The following PTPRN2 variants were observed in gnomAD, a reference collection of about 807,000 sequenced individuals.
PTPRN2 encodes protein tyrosine phosphatase receptor type N2.
A neutral mutation model predicts 118.8 loss-of-function variants in PTPRN2; 74 were observed. The ratio of observed to expected loss-of-function variants is 0.62; its 90% CI spans 0.52 to 0.76. The LOEUF (loss-of-function observed/expected upper bound fraction) is 0.76, where lower values mean the gene tolerates loss of function less well. PTPRN2 is among the 30% of genes least tolerant of loss of function. The pLI is 0.00. For missense variants in PTPRN2, 1,481 were observed against 1,394.4 expected (o/e 1.06, Z -0.99); for synonymous variants, 641 against 608.0 (o/e 1.05, Z -0.80).
At chr7:158,450,363 A>G (rs972063180) in intron 2 of PTPRN2, among the ~76,000 whole-genome samples, 1 of 152,274 alleles carries the variant, frequency 6.6e-6, no homozygotes, top group African/African-American at 2.4e-5. Flanking sequence ...ACACAAGGAC[A>G]CATACACACA....
At chr7:158,491,781 C>A (rs781348794) in intron 1 of PTPRN2, among the ~76,000 whole-genome samples, 23 of 152,200 alleles carry the variant, frequency 1.5e-4, no homozygotes, top group Non-Finnish European at 2.9e-4. Context: ...TGAGCCACCG[C>A]GCCTGGCCAG....
chr7:157,549,275 G>A (rs1366005139), intron 21 of PTPRN2, among the ~76,000 whole-genome samples: 3 of 151,420 alleles, frequency 2.0e-5, no homozygotes, highest in East Asian at 1.9e-4. Context: ...ACAGCAGGCC[G>A]TCACCGTCAG....
chr7:158,412,913 A>G (rs1203302325), intron 2 of PTPRN2, among the ~76,000 whole-genome samples: 1 of 137,498 alleles, frequency 7.3e-6, no homozygotes, highest in Non-Finnish European at 1.5e-5. Flanking sequence ...TGCCCTCCTC[A>G]ACACCAGGGC....
Position 157,675,185 on chromosome 7 carries a change from G to A in PTPRN2, c.2001+7540C>T, listed in dbSNP as rs532891364. Among the ~76,000 whole-genome samples, 84 of 152,224 alleles carry A rather than the reference G, an allele frequency of 5.5e-4. No individual in the cohort carries two copies. In the South Asian group the frequency reaches 0.011, roughly 20 times the overall value. ...CCCAACACCCACTTTATTTCACAGCGGCTCGCGTCCTTCGGAGAGCCTGCC... is the reference window on the plus strand; with the variant it reads ...CCCAACACCCACTTTATTTCACAGCAGCTCGCGTCCTTCGGAGAGCCTGCC... On this transcript the variant is annotated intron_variant, in intron 13 of 22. Transcript: ENST00000389418.
intron 2 of PTPRN2, among the ~76,000 whole-genome samples, chr7:158,331,955 T>A (rs4909180): frequency 2.1e-5 from 3 of 142,348 alleles, no homozygotes; most frequent in Non-Finnish European, 4.5e-5. Flanking sequence ...ACTCCCACGA[T>A]AAGAGCTGAC....
At position 158,155,620 on chromosome 7, in the gene PTPRN2, TATCATCACC is replaced by T. The variant is rs1821711789; in HGVS notation, c.910+11302_910+11310del. On this transcript the variant is annotated intron_variant, in intron 6 of 22. Coordinates refer to ENST00000389418, the MANE Select transcript of PTPRN2 (RefSeq NM_002847.5). Reference sequence around the variant, plus strand: ...TCATCATCACCATCACCATCAACACTATCATCACCATCATCACCACCGTCATCATTGCCA... The same window carrying T: ...TCATCATCACCATCACCATCAACACTATCATCACCACCGTCATCATTGCCA... Among the ~76,000 whole-genome samples the T allele has an allele frequency of 7.5e-5, 2 of 26,794 alleles. 1 individual carries two copies. The highest frequency in any genetic ancestry group is 7.2e-4 in the Admixed American group (2 of 2,794). The allele number at this position is 26,794 out of a possible 152,430, so 17.6% of individuals were successfully genotyped here. A position where few individuals can be genotyped will look rare whatever the true frequency, so the allele number is the denominator to read the frequency against.
chr7:157,782,434 G>A (rs1803737112), intron 12 of PTPRN2, among the ~76,000 whole-genome samples: 1 of 152,206 alleles, frequency 6.6e-6, no homozygotes, highest in Admixed American at 6.5e-5. Context: ...AGCTCTAAGG[G>A]TAGGAGCTGC....
intron 2 of PTPRN2, among the ~76,000 whole-genome samples, chr7:158,378,793 A>G (rs1810741059): frequency 6.6e-6 from 1 of 152,202 alleles, no homozygotes; most frequent in Non-Finnish European, 1.5e-5. Flanking sequence ...GAAGATAATG[A>G]TAATTCCTTC....
intron 15 of PTPRN2, among the ~76,000 whole-genome samples, chr7:157,604,995 A>C (rs1801916287): frequency 6.6e-6 from 1 of 152,196 alleles, no homozygotes; most frequent in Non-Finnish European, 1.5e-5. Context: ...TTCTCTCTGC[A>C]AGGTGCGCTT....
At chr7:157,928,775 G>A (rs903493575) in intron 11 of PTPRN2, among the ~76,000 whole-genome samples, 8 of 149,950 alleles carry the variant, frequency 5.3e-5, no homozygotes, top group Admixed American at 1.3e-4. Context: ...GAGAGAGAGC[G>A]GGGCAGATGG....
At chr7:158,040,297 AC>A (rs1808356709) in intron 11 of PTPRN2, among the ~76,000 whole-genome samples, 1 of 152,186 alleles carries the variant, frequency 6.6e-6, no homozygotes, top group South Asian at 2.1e-4. Flanking sequence ...AATACAACAC[AC>A]ACAAATTCAC....
chr7:158,158,613 T>G (rs183444325), intron 6 of PTPRN2, among the ~76,000 whole-genome samples: 1,343 of 46,050 alleles, frequency 0.029, 122 homozygotes, highest in African/African-American at 0.092. Flanking sequence ...ATGAGTGAAC[T>G]CGGGAGAATC....
At chr7:157,895,333 AGCCAGAGGG>A in intron 12 of PTPRN2, among the ~76,000 whole-genome samples, 1 of 151,346 alleles carries the variant, frequency 6.6e-6, no homozygotes, top group Non-Finnish European at 1.5e-5. Context: ...CCATAAAATA[AGCCAGAGGG>A]TCTGAACGAG....
intron 3 of PTPRN2, among the ~76,000 whole-genome samples, chr7:158,292,848 A>G (rs528315387): frequency 2.8e-4 from 43 of 152,188 alleles, no homozygotes; most frequent in South Asian, 1.0e-3. Flanking sequence ...TGGGTGGATC[A>G]GTTGAGGTCA....
chr7:157,585,116 C>G lies in PTPRN2; in HGVS notation c.2497-6976G>C, dbSNP rs1188311152. Among the ~76,000 whole-genome samples, 1 of 152,162 alleles carries G rather than the reference C, an allele frequency of 6.6e-6. No individual in the cohort carries two copies. The highest frequency in any genetic ancestry group is 1.5e-5 in the Non-Finnish European group (1 of 68,030). On this transcript the variant is annotated intron_variant, in intron 17 of 22. Coordinates refer to ENST00000389418, the MANE Select transcript of PTPRN2 (RefSeq NM_002847.5). This position sits in a 1 kb window ranked among gnomAD's most constrained non-coding sequence, Gnocchi z 5.2. ...ACACGATGAGGTGACGTAGCCCACA[C>G]ACACGTCAGCAGTGCTGATGGAAAG...
intron 2 of PTPRN2, among the ~76,000 whole-genome samples, chr7:158,466,457 A>G (rs1819394864): frequency 6.6e-6 from 1 of 152,028 alleles, no homozygotes; most frequent in Non-Finnish European, 1.5e-5. Context: ...ACTTCACACT[A>G]TTTACAACAT....
rs1258643692 is a variant in PTPRN2 at position 158,316,343 on chromosome 7, G to A, written c.277+476C>T. On this transcript the variant is annotated intron_variant, in intron 3 of 22. Coordinates refer to ENST00000389418, the MANE Select transcript of PTPRN2 (RefSeq NM_002847.5). ...AGAAGCGCAGCAGTGGGCCGGTGCT[G>A]TGGGAATTCCCTGGTCCTACCATGT... Among the ~76,000 whole-genome samples, 5 of 152,190 alleles carry A rather than the reference G, an allele frequency of 3.3e-5. No individual in the cohort carries two copies. The East Asian group carries it at 9.6e-4, about 29-fold the overall frequency.
chr7:158,117,797 T>C (rs1311156735), intron 9 of PTPRN2, among the ~76,000 whole-genome samples: 1 of 150,814 alleles, frequency 6.6e-6, no homozygotes, highest in African/African-American at 2.4e-5. Context: ...AAAAAACCTG[T>C]CAACCAAGAA....
chr7:157,565,307 G>A (rs887091669), intron 21 of PTPRN2, among the ~76,000 whole-genome samples: 4 of 152,220 alleles, frequency 2.6e-5, no homozygotes, highest in African/African-American at 7.2e-5. Context: ...TTAAAAGGTC[G>A]CTCCAGCATG....
Sources: gnomAD v4.1 joint callset for allele counts (sites outside exome capture counted in the v4.1 genomes callset) on GRCh38, gnomAD v4.1.1 for gene constraint, Gnocchi (gnomAD v3.1) non-coding constraint, MANE v1.5 for transcripts, NCBI Gene and HGNC (gene_info 2026-07-23, HGNC 2026-07-21) for gene names.